The following USP54 variants were observed in gnomAD, a reference collection of about 807,000 sequenced individuals.
USP54 encodes ubiquitin carboxyl-terminal hydrolase 54.
USP54 carries 87 observed loss-of-function variants against 170.5 expected under a neutral mutation model. That is an observed-to-expected ratio of 0.51 (90% CI 0.43 to 0.61). The LOEUF (loss-of-function observed/expected upper bound fraction) is 0.61, where lower values mean the gene tolerates loss of function less well. Among genes scored for constraint, USP54 ranks in the 20% least tolerant of loss-of-function variants. USP54 has a pLI of 0.00. For missense variants in USP54, 1,786 were observed against 2,047.8 expected, an observed-to-expected ratio of 0.87 and a Z score of 2.47; for synonymous variants, 655 against 742.8, an observed-to-expected ratio of 0.88 and a Z score of 1.92.
At chr10:73,555,573 G>A (rs932350593) in intron 4 of USP54, among the ~76,000 whole-genome samples, 1 of 152,080 alleles carries the variant, frequency 6.6e-6, no homozygotes, top group South Asian at 2.1e-4. Context: ...GGCCAAATTC[G>A]CCACAGAAAG....
At position 73,526,633 on chromosome 10, in the gene USP54, G is replaced by A. The variant is rs747675977; in HGVS notation, c.2194+14C>T. 9 of 1,613,360 alleles carry A rather than the reference G, an allele frequency of 5.6e-6. No individual in the cohort carries two copies. The highest frequency in any genetic ancestry group is 5.1e-6 in the Non-Finnish European group (6 of 1,179,722). On this transcript the variant is annotated intron_variant, in intron 16 of 23. Coordinates refer to ENST00000687698, the MANE Select transcript of USP54 (RefSeq NM_001391956.1). ...GTCAAATCCAGTCCTCAAATTCAGTGTCATTCTGCTTACCAGAGAAAGGCT... is the reference window on the plus strand; with the variant it reads ...GTCAAATCCAGTCCTCAAATTCAGTATCATTCTGCTTACCAGAGAAAGGCT...
chr10:73,607,869 C>T (rs1201173902), intron 1 of USP54, among the ~76,000 whole-genome samples: 3 of 150,970 alleles, frequency 2.0e-5, no homozygotes, highest in Non-Finnish European at 4.4e-5. Context: ...AGTAATCCTT[C>T]AGAGGAAGAA....
At chr10:73,609,195 T>A (rs925484628) in intron 1 of USP54, among the ~76,000 whole-genome samples, 2 of 152,066 alleles carry the variant, frequency 1.3e-5, no homozygotes, top group Non-Finnish European at 2.9e-5. Flanking sequence ...TCAATGACCA[T>A]GAGTAAAGAT....
intron 4 of USP54, among the ~76,000 whole-genome samples, chr10:73,557,547 G>A (rs1239976614): frequency 2.0e-5 from 3 of 146,932 alleles, no homozygotes; most frequent in Non-Finnish European, 3.0e-5. Flanking sequence ...GTGCAGTGGC[G>A]CGATCTCAGC....
chr10:73,571,887 T>C (rs1228007513), intron 3 of USP54, among the ~76,000 whole-genome samples: 1 of 152,194 alleles, frequency 6.6e-6, no homozygotes, highest in Non-Finnish European at 1.5e-5. Context: ...AAATGTGAAC[T>C]GTAGAAATGT....
At chr10:73,509,438 C>CTA (rs1354215822) in intron 20 of USP54, among the ~76,000 whole-genome samples, 6 of 140,752 alleles carry the variant, frequency 4.3e-5, no homozygotes, top group African/African-American at 1.3e-4. Context: ...CCTGTCTCTA[C>CTA]CAAAAAAAAA....
rs2067581371 is a variant in USP54, at chr10:73,545,456, TC to T, written c.375+81del. The T allele has an allele frequency of 1.9e-6, 3 of 1,548,806 alleles. No individual in the cohort carries two copies. In the African/African-American group the frequency reaches 4.1e-5, roughly 21 times the overall value. ...CTGTAGAGATAAGGGCACAGCAAAT[TC>T]CACCATAAAGTAGCCAGTCCCTGAT... is the stretch of plus-strand genomic sequence containing the variant. On this transcript the variant is annotated intron_variant, in intron 5 of 23. Transcript: ENST00000687698.
Position 73,505,400 on chromosome 10 carries a change from A to G in USP54, c.4078T>C (p.Leu1360=), listed in dbSNP as rs2058929806. The G allele has an allele frequency of 1.9e-6, 3 of 1,613,902 alleles. No homozygotes were observed. Among genetic ancestry groups the G allele is most frequent in the Non-Finnish European group, 2.5e-6 (3 of 1,179,960 alleles). The change falls in exon 21 of 24, where the codon TTG becomes CTG. Residue 1360 remains leucine (L), a synonymous_variant. Coordinates refer to ENST00000687698, the MANE Select transcript of USP54 (RefSeq NM_001391956.1). ...AGACCAGGATCATGGGCTGAGTGCA[A>G]CCTCCTCCCCATGCCATCTGCAGAG... ...TGSADGMGRR[L]HSAHDPGLSK... is the part of the protein sequence containing the mutation.
chr10:73,517,269 G>A lies in USP54; in HGVS notation c.3157C>T (p.Leu1053=). The change falls in exon 20 of 24, where the codon CTA becomes TTA. Residue 1053 remains leucine (L), a synonymous_variant. Coordinates refer to ENST00000687698, the MANE Select transcript of USP54 (RefSeq NM_001391956.1). The part of the protein sequence containing the change: ...ATSERGDEHS[L]GCSPSNSSAQ... ...GATGAATTTGAAGGACTACAGCCTAGGCTGTGTTCATCACCCCTCTCAGAG... is the reference window on the plus strand; with the variant it reads ...GATGAATTTGAAGGACTACAGCCTAAGCTGTGTTCATCACCCCTCTCAGAG... 1 of 1,613,914 alleles carries A rather than the reference G, an allele frequency of 6.2e-7. No individual in the cohort carries two copies. The highest frequency in any genetic ancestry group is 1.3e-5 in the African/African-American group (1 of 75,052).
chr10:73,582,770 T>C (rs1405962041), intron 1 of USP54, among the ~76,000 whole-genome samples: 1 of 152,214 alleles, frequency 6.6e-6, no homozygotes, highest in Non-Finnish European at 1.5e-5. Flanking sequence ...AAGGAGACAC[T>C]ATTAATTGCA....
chr10:73,516,335 G>T, intron 20 of USP54, 40 bp downstream of exon 20: 2 of 1,561,718 alleles, frequency 1.3e-6, no homozygotes, highest in South Asian at 1.2e-5. Flanking sequence ...GCTTTTATAT[G>T]ATCCTCCCCC....
chr10:73,620,664 G>A (rs2081018650), intron 1 of USP54, among the ~76,000 whole-genome samples: 1 of 149,982 alleles, frequency 6.7e-6, no homozygotes, highest in East Asian at 1.9e-4. Flanking sequence ...GGGGCCGGGA[G>A]TGGTGGCTCA....
At chr10:73,612,238 T>C (rs1259831358) in intron 1 of USP54, among the ~76,000 whole-genome samples, 2 of 151,930 alleles carry the variant, frequency 1.3e-5, no homozygotes, top group African/African-American at 4.9e-5. Flanking sequence ...AGCTAGCTTC[T>C]CCCCAATTTT....
At chr10:73,510,099 G>A (rs2133226515) in intron 20 of USP54, among the ~76,000 whole-genome samples, 1 of 152,314 alleles carries the variant, frequency 6.6e-6, no homozygotes, top group East Asian at 1.9e-4. Context: ...CACTTTGGGA[G>A]GCCAAGGCGG....
At position 73,505,400 on chromosome 10, in the gene USP54, A is replaced by T; in HGVS notation, c.4078T>A (p.Leu1360Met). 1 of 1,613,902 alleles carries T rather than the reference A, an allele frequency of 6.2e-7. No homozygotes were observed. The highest frequency in any genetic ancestry group is 8.5e-7 in the Non-Finnish European group (1 of 1,179,960). Residue 1360 changes from leucine to methionine, a missense_variant, in exon 21 of 24, where the codon TTG becomes ATG. Physicochemically the swap from Leu to Met is conservative, Grantham distance 15 (BLOSUM62 2). Transcript: ENST00000687698. Reference sequence around the variant, plus strand: ...AGACCAGGATCATGGGCTGAGTGCAACCTCCTCCCCATGCCATCTGCAGAG... The same window carrying T: ...AGACCAGGATCATGGGCTGAGTGCATCCTCCTCCCCATGCCATCTGCAGAG... ...TGSADGMGRR[L>M]HSAHDPGLSK... is the part of the protein sequence containing the mutation.
chr10:73,553,981 T>C (rs1438325556), intron 4 of USP54, among the ~76,000 whole-genome samples: 2 of 152,202 alleles, frequency 1.3e-5, no homozygotes, highest in African/African-American at 2.4e-5. Context: ...GTAAAAACCA[T>C]GTAAATAAGA....
In USP54 at chr10:73,578,159, G is replaced by A. The variant is rs547940424; in HGVS notation, c.-581-1798C>T. ...GAATGGCAGTATTATGTAGGGTAAA[G>A]CAGTAAGTTCTCAGACCTGTTCTAG... On this transcript the variant is annotated intron_variant, in intron 1 of 23. Transcript: ENST00000687698. 2.0e-5 allele frequency among the ~76,000 whole-genome samples: 3 copies of A among 152,298 alleles called. No homozygotes were observed. In the South Asian group the frequency reaches 6.2e-4, roughly 32 times the overall value.
chr10:73,517,827 C>A, intron 19 of USP54, 80 bp from the exon 20 acceptor site: 1 of 1,462,970 alleles, frequency 6.8e-7, no homozygotes. Context: ...CATTCCATTC[C>A]CATTTCTAGC....
Position 73,530,812 on chromosome 10 carries a change from T to C in USP54, c.1339A>G (p.Asn447Asp), listed in dbSNP as rs772866159. 2 of 1,614,076 alleles carry C rather than the reference T, an allele frequency of 1.2e-6. No homozygotes were observed. Among genetic ancestry groups the C allele is most frequent in the South Asian group, 2.2e-5 (2 of 91,076 alleles). ...DTGHLTDSEC[N>D]QKHTSKKGSL... is the part of the protein sequence containing the mutation. ...CCTTTCTTGGATGTGTGTTTCTGAT[T>C]ACATTCACTATCAGTCAGGTGTCCT... Residue 447 changes from asparagine (N) to aspartate (D), a missense_variant, in exon 13 of 24, where the codon AAT becomes GAT. Transcript: ENST00000687698.
Sources: allele counts gnomAD v4.1 joint callset (sites outside exome capture counted in the v4.1 genomes callset), GRCh38; gene constraint gnomAD v4.1.1; transcripts MANE v1.5; gene names NCBI Gene and HGNC (gene_info 2026-07-23, HGNC 2026-07-21).